GRM7: variants seen among roughly 807,000 people sequenced by gnomAD.
GRM7 encodes the protein metabotropic glutamate receptor 7.
In GRM7, 35 loss-of-function variants were observed where a neutral mutation model predicts 84.5. That is an observed-to-expected ratio of 0.41 (90% CI 0.32 to 0.55). GRM7 has a LOEUF of 0.55. GRM7 is among the 20% of genes least tolerant of loss of function. GRM7 has a pLI of 0.19. For synonymous variants in GRM7, 487 were observed against 455.1 expected (o/e 1.07, Z -0.89); for missense variants, 1,003 against 1,194.6 (o/e 0.84, Z 2.36).
At chr3:7,170,219 GCT>G (rs1163928615) in intron 2 of GRM7, among the ~76,000 whole-genome samples, 4 of 152,132 alleles carry the variant, frequency 2.6e-5, no homozygotes, top group Non-Finnish European at 5.9e-5. Flanking sequence ...ACAAAAAGCA[GCT>G]CTTAGCCATT....
chr3:7,572,879 T>A (rs9840742), intron 7 of GRM7, among the ~76,000 whole-genome samples: 1,138 of 65,954 alleles, frequency 0.017, 85 homozygotes, highest in African/African-American at 0.023. Context: ...TATATATATA[T>A]AAATAATCTT....
At chr3:7,540,069 GAC>G (rs1439741724) in intron 7 of GRM7, among the ~76,000 whole-genome samples, 1 of 152,112 alleles carries the variant, frequency 6.6e-6, no homozygotes, top group African/African-American at 2.4e-5. Flanking sequence ...TTAATCAAAA[GAC>G]AGACTATAAC....
intron 1 of GRM7, among the ~76,000 whole-genome samples, chr3:6,982,161 T>A (rs1262323131): frequency 6.6e-6 from 1 of 152,182 alleles, no homozygotes; most frequent in Non-Finnish European, 1.5e-5. Flanking sequence ...TAGCTTCAGC[T>A]GGAGGTCATT....
chr3:6,918,873 A>C (rs1348075769), intron 1 of GRM7, among the ~76,000 whole-genome samples: 3 of 152,116 alleles, frequency 2.0e-5, no homozygotes, highest in Non-Finnish European at 4.4e-5. Flanking sequence ...AAATCTAGAG[A>C]ATGGATTGAT....
chr3:7,406,219 G>A (rs751506199), intron 4 of GRM7, among the ~76,000 whole-genome samples: 1 of 151,914 alleles, frequency 6.6e-6, no homozygotes, highest in Non-Finnish European at 1.5e-5. Context: ...AGAATCTATC[G>A]GCCGGGCGTG....
At chr3:7,552,205 A>T (rs985832471) in intron 7 of GRM7, among the ~76,000 whole-genome samples, 1 of 152,214 alleles carries the variant, frequency 6.6e-6, no homozygotes. Flanking sequence ...TTTTGACTCC[A>T]TGTCTCACAT....
intron 2 of GRM7, among the ~76,000 whole-genome samples, chr3:7,224,444 G>A (rs533439870): frequency 6.6e-6 from 1 of 152,308 alleles, no homozygotes; most frequent in Admixed American, 6.5e-5. Flanking sequence ...GGGGATTACA[G>A]TTGAACATGA....
intron 1 of GRM7, among the ~76,000 whole-genome samples, chr3:6,927,464 A>AGAAG (rs1191521702): frequency 4.2e-5 from 2 of 47,164 alleles, no homozygotes; most frequent in Non-Finnish European, 7.0e-5. Context: ...AAAGAGAGAG[A>AGAAG]GAAAGAAAGA....
intron 1 of GRM7, among the ~76,000 whole-genome samples, chr3:6,890,409 C>G (rs1039182458): frequency 6.6e-6 from 1 of 152,032 alleles, no homozygotes; most frequent in Admixed American, 6.6e-5. Flanking sequence ...TTGAATGTGT[C>G]CCAGAGATTC....
chr3:7,531,360 T>C (rs1212382227), intron 7 of GRM7, among the ~76,000 whole-genome samples: 1 of 152,154 alleles, frequency 6.6e-6, no homozygotes, highest in Non-Finnish European at 1.5e-5. Context: ...TGTAGTATAT[T>C]AGCGGGATGG....
intron 4 of GRM7, among the ~76,000 whole-genome samples, chr3:7,333,053 G>A (rs11131068): frequency 0.19 from 28,618 of 151,920 alleles, 3,297 homozygotes; most frequent in African/African-American, 0.31. Flanking sequence ...GGTCAATCAA[G>A]TCAAGCCATT....
At chr3:7,522,734 G>A (rs1056025444) in intron 7 of GRM7, among the ~76,000 whole-genome samples, 1 of 152,172 alleles carries the variant, frequency 6.6e-6, no homozygotes, top group Non-Finnish European at 1.5e-5. Flanking sequence ...AATGGCCTGT[G>A]AAATCCATGG....
At chr3:7,704,327 AAG>A (rs1371510402) in intron 9 of GRM7, among the ~76,000 whole-genome samples, 1 of 152,234 alleles carries the variant, frequency 6.6e-6, no homozygotes, top group African/African-American at 2.4e-5. Context: ...ATATGCATAA[AAG>A]AGTTATAAAA....
At chr3:7,402,317 A>G (rs1695487341) in intron 4 of GRM7, among the ~76,000 whole-genome samples, 5 of 152,218 alleles carry the variant, frequency 3.3e-5, no homozygotes, top group Admixed American at 1.3e-4. Flanking sequence ...GATTTCCTAG[A>G]AAACAAGATG....
At chr3:7,633,141 C>A (rs3729649) in intron 8 of GRM7, among the ~76,000 whole-genome samples, 106,982 of 152,148 alleles carry the variant, frequency 0.7, 37,896 homozygotes, top group East Asian at 0.86. Flanking sequence ...GGAGGCATAC[C>A]TTCTTATAAT....
At chr3:7,362,479 C>T (rs1335401547) in intron 4 of GRM7, among the ~76,000 whole-genome samples, 1 of 151,586 alleles carries the variant, frequency 6.6e-6, no homozygotes, top group Non-Finnish European at 1.5e-5. Context: ...TTTAAAGATA[C>T]ATTAGAAAAA....
At chr3:6,934,414 T>C (rs955684334) in intron 1 of GRM7, among the ~76,000 whole-genome samples, 1 of 152,140 alleles carries the variant, frequency 6.6e-6, no homozygotes, top group Non-Finnish European at 1.5e-5. Flanking sequence ...GCCCCATCTC[T>C]TCATTACATT....
At chr3:7,528,254 G>C (rs1475613400) in intron 7 of GRM7, among the ~76,000 whole-genome samples, 2 of 152,054 alleles carry the variant, frequency 1.3e-5, no homozygotes, top group Non-Finnish European at 2.9e-5. Flanking sequence ...AATCTTGGAA[G>C]GTTGTGTATT....
At chr3:7,414,725 G>C (rs1306769805) in intron 4 of GRM7, among the ~76,000 whole-genome samples, 1 of 152,120 alleles carries the variant, frequency 6.6e-6, no homozygotes, top group African/African-American at 2.4e-5. Flanking sequence ...TAGGGATGCA[G>C]AATGTGGCAT....
Sources: allele counts gnomAD v4.1 joint callset (sites outside exome capture counted in the v4.1 genomes callset), GRCh38; gene constraint gnomAD v4.1.1; transcripts MANE v1.5; gene names NCBI Gene and HGNC (gene_info 2026-07-23, HGNC 2026-07-21).